FER1L5: variants seen among roughly 807,000 people sequenced by gnomAD.
FER1L5 encodes the protein fer-1 like family member 5.
A neutral mutation model predicts 279.9 loss-of-function variants in FER1L5; 187 were observed. The ratio of observed to expected loss-of-function variants is 0.67; its 90% CI spans 0.59 to 0.75. The LOEUF is 0.75. FER1L5 is among the 30% of genes least tolerant of loss of function. The pLI, the probability that FER1L5 is intolerant of heterozygous loss-of-function variation, is 0.00. For synonymous variants in FER1L5, 921 were observed against 989.7 expected (o/e 0.93, Z 1.30); for missense variants, 2,091 against 2,594.4 (o/e 0.81, Z 4.21).
At chr2:96,649,245 G>A (rs535635778) in intron 4 of FER1L5, among the ~76,000 whole-genome samples, 66 of 152,196 alleles carry the variant, frequency 4.3e-4, no homozygotes, top group African/African-American at 1.6e-3. Flanking sequence ...TAGAAGGGAG[G>A]AGTGTGCAGG....
intron 19 of FER1L5, among the ~76,000 whole-genome samples, chr2:96,674,671 G>A (rs1257359868): frequency 6.6e-6 from 1 of 152,062 alleles, no homozygotes; most frequent in East Asian, 1.9e-4. Flanking sequence ...TATGAAATGT[G>A]TATGTATAGT....
At chr2:96,678,251 C>T (rs2076584841) in intron 19 of FER1L5, among the ~76,000 whole-genome samples, 1 of 151,624 alleles carries the variant, frequency 6.6e-6, no homozygotes, top group Non-Finnish European at 1.5e-5. Flanking sequence ...TCCTCAGCCC[C>T]ACCAAGTAGC....
intron 7 of FER1L5, chr2:96,652,690 G>A (rs955881748): frequency 2.6e-5 from 4 of 154,190 alleles, no homozygotes; most frequent in Admixed American, 6.4e-5. Context: ...TACAGTGTGG[G>A]CTGGGGTCCC....
Position 96,692,123 on chromosome 2 carries a change from C to T in FER1L5, c.3234C>T (p.Leu1078=), listed in dbSNP as rs2077177309. Residue 1078 remains leucine (L), a synonymous_variant, in exon 31 of 53, where the codon CTC becomes CTT. Transcript: ENST00000624922. ...CTFNKPHYYQ[L]FCYIYQARNL... Reference sequence around the variant, plus strand: ...CCCCAGAGCCCCACTACTACCAGCTCTTCTGCTACATCTACCAGGCCCGGA... The same window carrying T: ...CCCCAGAGCCCCACTACTACCAGCTTTTCTGCTACATCTACCAGGCCCGGA... 2 of 1,551,470 alleles carry T rather than the reference C, an allele frequency of 1.3e-6. No individual in the cohort carries two copies. The highest frequency in any genetic ancestry group is 1.4e-5 in the African/African-American group (1 of 73,016).
At chr2:96,661,945 C>A in intron 12 of FER1L5, 154 bp downstream of exon 12, 1 of 1,179,878 alleles carries the variant, frequency 8.5e-7, no homozygotes, top group Non-Finnish European at 1.2e-6. Context: ...CAGACTTGTC[C>A]TGTGGAGGTG....
rs191478875 is a variant in FER1L5 at position 96,690,529 on chromosome 2, C to T, written c.2683C>T (p.Gln895Ter). Residue 895 changes from glutamine (Q) to a stop codon, truncating the protein, a stop_gained, in exon 27 of 53, where the codon CAA becomes TAA. Coordinates refer to ENST00000624922, the MANE Select transcript of FER1L5 (RefSeq NM_001293083.2). LOFTEE classifies it high-confidence loss of function. The stretch of plus-strand genomic sequence containing the variant: ...GGCCCGGGAGAACGTGAAGTGCCCC[C>T]AAGGCTGGCACTTTAAGAAGGACTG... ...MEARENVKCPQGWHFKKDWVV... is the reference protein window; with the variant it reads ...MEARENVKCP The T allele has an allele frequency of 4.5e-6, 7 of 1,551,642 alleles. No individual in the cohort carries two copies. In the East Asian group the frequency reaches 9.8e-5, roughly 22 times the overall value.
In FER1L5 at chr2:96,663,505, C is replaced by T. The variant is rs1251951759; in HGVS notation, c.1138C>T (p.Gln380Ter). The change falls in exon 14 of 53, where the codon CAG becomes TAG. Residue 380 changes from glutamine (Q) to a stop codon, truncating the protein, a stop_gained and splice_region_variant. Transcript: ENST00000624922. LOFTEE classifies it high-confidence loss of function. ...GAACCAGATCCTGACCTTCCGGATT[C>T]AGGTATGGCTCCTCCATCATGCCCA... ...IWNQILTFRI[Q>*]LPCLSSYIKF... 4 of 1,551,574 alleles carry T rather than the reference C, an allele frequency of 2.6e-6. No homozygotes were observed.
Position 96,646,679 on chromosome 2 carries a change from G to A in FER1L5, c.138+226G>A, listed in dbSNP as rs538191596. Among the ~76,000 whole-genome samples, 57 of 152,268 alleles carry A rather than the reference G, an allele frequency of 3.7e-4. 1 individual carries two copies. The South Asian group carries it at 0.011, about 30-fold the overall frequency. ...CGTGGCCCTTCTCCCCCACTCCGAG[G>A]ATGGACCATGGTATGGCCTATCAAC... On this transcript the variant is annotated intron_variant, in intron 2 of 52. Coordinates refer to ENST00000624922, the MANE Select transcript of FER1L5 (RefSeq NM_001293083.2).
intron 19 of FER1L5, 108 bp downstream of exon 19, chr2:96,673,362 A>G: frequency 8.3e-7 from 1 of 1,198,514 alleles, no homozygotes; most frequent in Non-Finnish European, 1.1e-6. Context: ...GGCATTATTT[A>G]CCTATATTTC....
In FER1L5 at chr2:96,691,148, CG is replaced by C; in HGVS notation, c.2744-39del. The C allele has an allele frequency of 6.6e-7, 1 of 1,512,184 alleles. No individual in the cohort carries two copies. Among genetic ancestry groups the C allele is most frequent in the Non-Finnish European group, 8.9e-7 (1 of 1,125,618 alleles). 93.7% of individuals were successfully genotyped at this position (1,512,184 alleles called of 1,614,324 possible). ...GGGTTTGTCCAGGCCTCCCAACCTGCGGGCACCTGAGGACTCAGAGGCCATG... is the reference window on the plus strand; with the variant it reads ...GGGTTTGTCCAGGCCTCCCAACCTGCGGCACCTGAGGACTCAGAGGCCATG... On this transcript the variant is annotated intron_variant, in intron 27 of 52. Transcript: ENST00000624922. The surrounding 1 kb of genome is among the most constrained non-coding windows in gnomAD (Gnocchi z 6.0).
chr2:96,673,266 A>G lies in FER1L5; in HGVS notation c.1669+12A>G. On this transcript the variant is annotated intron_variant, in intron 19 of 52. Transcript: ENST00000624922. ...AGTGATATATGATGGTAATTGTCAG[A>G]TTCAGGCAATAAGTAGAGAGCAGCC... 6.5e-7 allele frequency: 1 copy of G among 1,545,094 alleles called. No individual in the cohort carries two copies.
intron 9 of FER1L5, among the ~76,000 whole-genome samples, chr2:96,657,298 C>A (rs535530906): frequency 9.9e-4 from 150 of 152,026 alleles, no homozygotes; most frequent in South Asian, 1.9e-3. Context: ...TGGTCTCAAA[C>A]TCCTGGCTTC....
chr2:96,699,737 C>A lies in FER1L5; in HGVS notation c.4781+17C>A, dbSNP rs773449312. On this transcript the variant is annotated intron_variant, in intron 43 of 52. Transcript: ENST00000624922. ...CTACTGCCAGTGAGAGTGGGCCCGT[C>A]TGGGGGAAGGGAGTCAGGTGGGGTG... 1.5e-5 allele frequency: 25 copies of A among 1,613,122 alleles called. No individual in the cohort carries two copies. The South Asian group carries it at 2.6e-4, about 17-fold the overall frequency.
chr2:96,665,028 G>T (rs964393559), intron 14 of FER1L5, among the ~76,000 whole-genome samples: 2 of 152,114 alleles, frequency 1.3e-5, no homozygotes. Flanking sequence ...GATTTTGATC[G>T]CCTTTCAATC....
In FER1L5 at chr2:96,702,025, A is replaced by C. The variant is rs901008454; in HGVS notation, c.5141A>C (p.Asn1714Thr). Reference sequence around the variant, plus strand: ...CCTCCTGGCCCCCAAGTCAACATCAACCCCAGAAAGCCTAAACGGTGAGTG... The same window carrying C: ...CCTCCTGGCCCCCAAGTCAACATCACCCCCAGAAAGCCTAAACGGTGAGTG... ...LGPPGPQVNI[N>T]PRKPKRYELR... Residue 1714 changes from asparagine to threonine, a missense_variant, in exon 46 of 53, where the codon AAC (asparagine) becomes ACC (threonine). Coordinates refer to ENST00000624922, the MANE Select transcript of FER1L5 (RefSeq NM_001293083.2). This position sits in a 1 kb window ranked among gnomAD's most constrained non-coding sequence, Gnocchi z 4.0. The C allele has an allele frequency of 1.2e-6, 2 of 1,613,920 alleles. No homozygotes were observed. Among genetic ancestry groups the C allele is most frequent in the Non-Finnish European group, 8.5e-7 (1 of 1,179,868 alleles).
intron 2 of FER1L5, among the ~76,000 whole-genome samples, chr2:96,646,675 C>T (rs964720434): frequency 1.3e-5 from 2 of 152,164 alleles, no homozygotes; most frequent in African/African-American, 4.8e-5. Context: ...TCCCCCACTC[C>T]GAGGATGGAC....
chr2:96,701,277 TGCA>T (rs1558933498), intron 45 of FER1L5, among the ~76,000 whole-genome samples: 1 of 152,248 alleles, frequency 6.6e-6, no homozygotes, highest in African/African-American at 2.4e-5. Flanking sequence ...GCCACTGCAC[TGCA>T]GCCTGGTGAC....
rs1261183773 is a variant in FER1L5, at chr2:96,642,836, G to A, written c.-1G>A. On this transcript the variant is annotated 5_prime_UTR_variant, in exon 1 of 53. Coordinates refer to ENST00000624922, the MANE Select transcript of FER1L5 (RefSeq NM_001293083.2). ...AGGAGGGAAGAAAGTAGGTCTCCGA[G>A]ATGCTGCGGCTTGTGGTGCAGTCGG... 2 of 1,550,746 alleles carry A rather than the reference G, an allele frequency of 1.3e-6. No individual in the cohort carries two copies. The highest frequency in any genetic ancestry group is 4.9e-5 in the East Asian group (2 of 40,804).
chr2:96,690,295 C>A (rs1036040624), intron 26 of FER1L5, among the ~76,000 whole-genome samples, 192 bp from the exon 27 acceptor site: 1 of 152,138 alleles, frequency 6.6e-6, no homozygotes, highest in African/African-American at 2.4e-5. Flanking sequence ...CAGCTTCCAG[C>A]GCAGAAAGGC....
Sources: allele counts gnomAD v4.1 joint callset (sites outside exome capture counted in the v4.1 genomes callset), GRCh38; gene constraint gnomAD v4.1.1; non-coding constraint Gnocchi (gnomAD v3.1); transcripts MANE v1.5; gene names NCBI Gene and HGNC (gene_info 2026-07-23, HGNC 2026-07-21).